The following ROR1 variants were observed in gnomAD, a reference collection of about 807,000 sequenced individuals.
ROR1 encodes inactive tyrosine-protein kinase transmembrane receptor ROR1.
A neutral mutation model predicts 78.8 loss-of-function variants in ROR1; 19 were observed. The ratio of observed to expected loss-of-function variants is 0.24; its 90% confidence interval spans 0.17 to 0.35. The LOEUF (loss-of-function observed/expected upper bound fraction) is 0.35. ROR1 is among the 10% of genes least tolerant of loss of function. The pLI, the probability that ROR1 is intolerant of heterozygous loss-of-function variation, is 1.00. For synonymous variants in ROR1, 386 were observed against 433.6 expected (o/e 0.89, Z 1.36); for missense variants, 917 against 1,177.8 (o/e 0.78, Z 3.24).
intron 1 of ROR1, among the ~76,000 whole-genome samples, chr1:63,866,319 A>G (rs1187993738): frequency 3.9e-5 from 6 of 152,180 alleles, no homozygotes. Context: ...CCTCCATTCA[A>G]AGACTGCTCG....
intron 4 of ROR1, among the ~76,000 whole-genome samples, chr1:64,073,063 G>T (rs898735841): frequency 5.3e-5 from 8 of 152,164 alleles, no homozygotes; most frequent in African/African-American, 1.7e-4. Flanking sequence ...ACTTCTGTGT[G>T]CTCCTCTCTC....
At chr1:63,925,457 A>G (rs1440077484) in intron 1 of ROR1, among the ~76,000 whole-genome samples, 1 of 152,112 alleles carries the variant, frequency 6.6e-6, no homozygotes, top group Non-Finnish European at 1.5e-5. Context: ...TATCGTGAAT[A>G]ATGCCGCAAT....
rs957716422 is a variant in ROR1, at chr1:64,178,490, A to T, written c.2449A>T (p.Ile817Phe). The T allele has an allele frequency of 6.2e-7, 1 of 1,614,186 alleles. No individual in the cohort carries two copies. The part of the protein sequence containing the change: ...GPPIPQNQRF[I>F]PINGYPIPPG... ...GCCAATACCTCAGAACCAGCGATTC[A>T]TTCCCATCAATGGATACCCAATACC... The change falls in exon 9 of 9, where the codon ATT (isoleucine) becomes TTT (phenylalanine). Residue 817 changes from isoleucine to phenylalanine, a missense_variant. Ile to Phe is a conservative substitution (Grantham distance 21). Around this residue, in one of 3 missense-constraint regions of ROR1, gnomAD observed 835 missense variants for 1,069.8 expected, o/e 0.78. Transcript: ENST00000371079. The surrounding 1 kb of genome is among the most constrained non-coding windows in gnomAD (Gnocchi z 4.3).
At chr1:63,873,722 G>A (rs1487636200) in intron 1 of ROR1, among the ~76,000 whole-genome samples, 1 of 148,362 alleles carries the variant, frequency 6.7e-6, no homozygotes, top group African/African-American at 2.6e-5. Flanking sequence ...AGTAATACAT[G>A]GTTCAAGAAA....
intron 1 of ROR1, among the ~76,000 whole-genome samples, chr1:63,787,015 A>G (rs1382079234): frequency 1.3e-5 from 2 of 152,216 alleles, no homozygotes; most frequent in African/African-American, 4.8e-5. Flanking sequence ...CGGTATGGGA[A>G]TAATGAATTG....
intron 1 of ROR1, among the ~76,000 whole-genome samples, chr1:63,926,252 C>A (rs1281583834): frequency 2.0e-5 from 3 of 148,680 alleles, no homozygotes; most frequent in Admixed American, 6.7e-5. Context: ...GTTTTCCCAG[C>A]ACCATTTATT....
At chr1:63,889,030 A>AT (rs1183221388) in intron 1 of ROR1, among the ~76,000 whole-genome samples, 9 of 152,230 alleles carry the variant, frequency 5.9e-5, no homozygotes, top group African/African-American at 2.2e-4. Context: ...GCAGTCTCTA[A>AT]AGGCCTGACC....
Position 64,159,153 on chromosome 1 carries a change from A to C in ROR1, c.1347A>C (p.Gln449His). 1 of 1,614,124 alleles carries C rather than the reference A, an allele frequency of 6.2e-7. No homozygotes were observed. The highest frequency in any genetic ancestry group is 1.3e-5 in the African/African-American group (1 of 75,048). Residue 449 changes from glutamine (Q) to histidine (H), a missense_variant, in exon 8 of 9, where the codon CAA (glutamine) becomes CAC (histidine). By Grantham distance (24) the Gln-to-His change is conservative. This residue lies in a region of ROR1 where 835 missense variants were observed against 1,069.8 expected (regional missense o/e 0.78). Coordinates refer to ENST00000371079, the MANE Select transcript of ROR1 (RefSeq NM_005012.4). ...GGCAACCAAAACACGTCAGAGGTCA[A>C]AATGTAGAGATGTCAATGCTGAATG... Reference protein sequence around the residue: ...VQRQPKHVRGQNVEMSMLNAY... With the variant: ...VQRQPKHVRGHNVEMSMLNAY...
chr1:64,104,675 T>C (rs2100662321), intron 4 of ROR1, among the ~76,000 whole-genome samples: 1 of 152,186 alleles, frequency 6.6e-6, no homozygotes. Context: ...TGTGTTATCA[T>C]GGTTCAGCTG....
At chr1:63,927,635 G>A (rs549371564) in intron 1 of ROR1, among the ~76,000 whole-genome samples, 42 of 151,700 alleles carry the variant, frequency 2.8e-4, no homozygotes, top group African/African-American at 9.4e-4. Flanking sequence ...CATTTTAGAC[G>A]AGGAACCTGT....
At chr1:63,840,516 A>G (rs1271895423) in intron 1 of ROR1, among the ~76,000 whole-genome samples, 5 of 151,980 alleles carry the variant, frequency 3.3e-5, no homozygotes, top group African/African-American at 1.2e-4. Context: ...TCTTGACCTC[A>G]GGTGATCTGC....
intron 1 of ROR1, among the ~76,000 whole-genome samples, chr1:63,903,381 C>A (rs942888422): frequency 1.3e-5 from 2 of 151,656 alleles, no homozygotes. Flanking sequence ...TTGATGATGT[C>A]ATTCATTTGA....
chr1:63,946,995 T>C (rs1349384323), intron 1 of ROR1, among the ~76,000 whole-genome samples: 1 of 152,114 alleles, frequency 6.6e-6, no homozygotes, highest in African/African-American at 2.4e-5. Context: ...ACCAAATCCT[T>C]CCTGCCAGTG....
chr1:64,077,914 C>G (rs1321796547), intron 4 of ROR1, among the ~76,000 whole-genome samples: 1 of 152,216 alleles, frequency 6.6e-6, no homozygotes, highest in African/African-American at 2.4e-5. Flanking sequence ...TGAGTTCCTA[C>G]TATGTGCTCA....
intron 1 of ROR1, chr1:63,789,205 T>G: frequency 1.7e-6 from 1 of 600,782 alleles, no homozygotes; most frequent in Non-Finnish European, 3.2e-6. Context: ...GAGTTGGCAT[T>G]GGAGATTTCA....
chr1:63,877,839 G>A (rs1645297581), intron 1 of ROR1, among the ~76,000 whole-genome samples: 1 of 152,146 alleles, frequency 6.6e-6, no homozygotes, highest in Non-Finnish European at 1.5e-5. Context: ...GATGTATGCT[G>A]TCAAAGTTTA....
chr1:63,822,160 C>A, intron 1 of ROR1, among the ~76,000 whole-genome samples: 1 of 152,278 alleles, frequency 6.6e-6, no homozygotes, highest in East Asian at 1.9e-4. Flanking sequence ...GATTATGAGA[C>A]ATGTGAAACA....
At chr1:63,798,966 C>T (rs1426376603) in intron 1 of ROR1, among the ~76,000 whole-genome samples, 1 of 152,178 alleles carries the variant, frequency 6.6e-6, no homozygotes. Flanking sequence ...AGGGGCTTAA[C>T]GTCAATTTCC....
intron 1 of ROR1, among the ~76,000 whole-genome samples, chr1:63,963,586 C>CAA (rs398053056): frequency 1.6e-3 from 198 of 122,184 alleles, no homozygotes; most frequent in African/African-American, 5.5e-3. Context: ...CAAAACAAAA[C>CAA]AAAAAAAAAA....
Sources: gnomAD v4.1 joint callset for allele counts (sites outside exome capture counted in the v4.1 genomes callset) on GRCh38, gnomAD v4.1.1 for gene constraint, gnomAD v4.1.1 regional missense constraint, Gnocchi (gnomAD v3.1) non-coding constraint, MANE v1.5 for transcripts, NCBI Gene and HGNC (gene_info 2026-07-23, HGNC 2026-07-21) for gene names.